Variants in EEF2KMT observed in about 807,000 individuals in gnomAD.
The protein encoded by EEF2KMT is eukaryotic elongation factor 2 lysine methyltransferase.
Under a neutral mutation model 35.1 loss-of-function variants are expected in EEF2KMT, and 30 were observed. The ratio of observed to expected loss-of-function variants is 0.85; its 90% confidence interval spans 0.64 to 1.16. The LOEUF (loss-of-function observed/expected upper bound fraction) is 1.16, where lower values mean the gene tolerates loss of function less well. Ranked by LOEUF, EEF2KMT falls within the 50% of genes most tolerant of loss-of-function variation. EEF2KMT has a pLI of 0.00. For synonymous variants in EEF2KMT, 190 were observed against 187.7 expected, an observed-to-expected ratio of 1.01 and a Z score of -0.10; for missense variants, 499 against 438.2, an observed-to-expected ratio of 1.14 and a Z score of -1.24.
chr16:5,091,279 A>T (rs1957335331), intron 4 of EEF2KMT, among the ~76,000 whole-genome samples: 1 of 151,990 alleles, frequency 6.6e-6, no homozygotes, highest in Non-Finnish European at 1.5e-5. Flanking sequence ...ATGGAGTTTC[A>T]CCATGTTGGC....
intron 7 of EEF2KMT, among the ~76,000 whole-genome samples, chr16:5,086,100 C>T (rs1957153749): frequency 6.6e-6 from 1 of 152,180 alleles, no homozygotes; most frequent in South Asian, 2.1e-4. Context: ...CTTTGGGAGG[C>T]CAAGGCGGGC....
chr16:5,088,579 G>A (rs1330849219), intron 7 of EEF2KMT, among the ~76,000 whole-genome samples: 1 of 152,238 alleles, frequency 6.6e-6, no homozygotes. Flanking sequence ...GGTGAGATGG[G>A]ACAGTGACAG....
At chr16:5,091,318 G>T (rs1305377972) in intron 4 of EEF2KMT, among the ~76,000 whole-genome samples, 1 of 152,138 alleles carries the variant, frequency 6.6e-6, no homozygotes, top group Non-Finnish European at 1.5e-5. Flanking sequence ...CTGACCTCAG[G>T]TGATCCCCCC....
Position 5,097,623 on chromosome 16 carries a change from TC to T in EEF2KMT, c.96+20del, listed in dbSNP as rs1313567919. 2 of 1,544,020 alleles carry T rather than the reference TC, an allele frequency of 1.3e-6. No homozygotes were observed. On this transcript the variant is annotated intron_variant, in intron 1 of 7. Transcript: ENST00000427587. ...GACTCCCGCGAGCCCCGCGGGCCTC[TC>T]CGCTCGCCCCGCCGCCCACCTGCCA... is the stretch of plus-strand genomic sequence containing the variant.
intron 2 of EEF2KMT, among the ~76,000 whole-genome samples, chr16:5,094,227 T>C (rs2142779498): frequency 6.6e-6 from 1 of 152,292 alleles, no homozygotes; most frequent in South Asian, 2.1e-4. Flanking sequence ...GGCAGCAAAG[T>C]ACCCCACGCA....
chr16:5,087,611 A>G (rs1056501830), intron 7 of EEF2KMT, among the ~76,000 whole-genome samples: 11 of 152,148 alleles, frequency 7.2e-5, no homozygotes, highest in African/African-American at 2.2e-4. Flanking sequence ...CAGCCTGGCC[A>G]ACATGGCGAA....
In EEF2KMT at chr16:5,084,509, G is replaced by A. The variant is rs560791610; in HGVS notation, c.*1123C>T. ...GGGGAATGGGCAGCACGTAGAGGCCGGGAGGTGCTCCAGGGCACCAAGTGT... is the reference window on the plus strand; with the variant it reads ...GGGGAATGGGCAGCACGTAGAGGCCAGGAGGTGCTCCAGGGCACCAAGTGT... On this transcript the variant is annotated 3_prime_UTR_variant, in exon 8 of 8. Transcript: ENST00000427587. 1.2e-5 allele frequency: 8 copies of A among 664,252 alleles called. No homozygotes were observed. Among genetic ancestry groups the A allele is most frequent in the South Asian group, 5.5e-5 (3 of 54,832 alleles). The allele number at this position is 664,252 out of a possible 1,614,324, so 41.1% of individuals were successfully genotyped here. A position where few individuals can be genotyped will look rare whatever the true frequency, so the allele number is the denominator to read the frequency against.
intron 1 of EEF2KMT, among the ~76,000 whole-genome samples, chr16:5,096,196 C>T (rs36079660): frequency 0.041 from 6,280 of 152,308 alleles, 194 homozygotes; most frequent in Non-Finnish European, 0.059. Flanking sequence ...GGCTGCTTCA[C>T]CACTCAGGCC....
At chr16:5,092,694 G>A (rs1957366335) in intron 3 of EEF2KMT, among the ~76,000 whole-genome samples, 1 of 152,230 alleles carries the variant, frequency 6.6e-6, no homozygotes, top group Non-Finnish European at 1.5e-5. Context: ...CAGGTGCGGT[G>A]GCTCATGCCT....
chr16:5,089,044 C>T, intron 7 of EEF2KMT, 63 bp downstream of exon 7: 1 of 1,607,964 alleles, frequency 6.2e-7, no homozygotes, highest in African/African-American at 1.3e-5. Flanking sequence ...TCTTTCACTT[C>T]CACTGGCGTC....
intron 1 of EEF2KMT, chr16:5,097,388 C>T (rs981659519): frequency 1.2e-5 from 18 of 1,472,206 alleles, no homozygotes; most frequent in African/African-American, 5.7e-5. Context: ...GTGAACTGTA[C>T]CCCACACCGA....
chr16:5,095,540 C>T, intron 1 of EEF2KMT, 26 bp from the exon 2 acceptor site: 1 of 1,610,964 alleles, frequency 6.2e-7, no homozygotes, highest in Non-Finnish European at 8.5e-7. Context: ...AGAGAGAAAT[C>T]TCAAGGGCGC....
At chr16:5,097,000 T>A (rs1468477411) in intron 1 of EEF2KMT, among the ~76,000 whole-genome samples, 1 of 152,196 alleles carries the variant, frequency 6.6e-6, no homozygotes, top group Non-Finnish European at 1.5e-5. Context: ...CCAAACTCAC[T>A]CATCCCAGTG....
intron 1 of EEF2KMT, chr16:5,097,214 A>G (rs1385887017): frequency 1.8e-6 from 2 of 1,087,970 alleles, no homozygotes; most frequent in Non-Finnish European, 2.4e-6. Flanking sequence ...CAACATACAG[A>G]TGAGAATACT....
In EEF2KMT at chr16:5,090,582, C is replaced by G. The variant is rs376135705; in HGVS notation, c.343-17G>C. On this transcript the variant is annotated splice_polypyrimidine_tract_variant and intron_variant, in intron 4 of 7. Coordinates refer to ENST00000427587, the MANE Select transcript of EEF2KMT (RefSeq NM_201400.4). The surrounding 1 kb of genome is among the most constrained non-coding windows in gnomAD (Gnocchi z 4.1). ...TCCCGAGGGCTGCACCAAGAGAAGG[C>G]GAGAGAGTCAGTCCAGCGATCAGAA... 6.2e-7 allele frequency: 1 copy of G among 1,611,866 alleles called. No individual in the cohort carries two copies. Among genetic ancestry groups the G allele is most frequent in the Non-Finnish European group, 8.5e-7 (1 of 1,179,800 alleles).
In EEF2KMT at chr16:5,087,704, G is replaced by A. The variant is rs377383444; in HGVS notation, c.892+1403C>T. ...TCCCAGCTACTCAGGAGGCTGAGAT[G>A]GGAGGATAGCTTGAACCTGGGAGGT... On this transcript the variant is annotated intron_variant, in intron 7 of 7. Coordinates refer to ENST00000427587, the MANE Select transcript of EEF2KMT (RefSeq NM_201400.4). 5.5e-3 allele frequency among the ~76,000 whole-genome samples: 826 copies of A among 151,018 alleles called. 6 individuals carry two copies. The highest frequency in any genetic ancestry group is 0.01 in the Middle Eastern group (3 of 294).
At chr16:5,093,605 C>T (rs765378771) in intron 2 of EEF2KMT, 41 bp from the exon 3 acceptor site, 1 of 1,606,830 alleles carries the variant, frequency 6.2e-7, no homozygotes, top group Non-Finnish European at 8.5e-7. Flanking sequence ...GAGAGCCCGT[C>T]TTAAGTCTCC....
At chr16:5,088,500 AGGT>A (rs1957264113) in intron 7 of EEF2KMT, among the ~76,000 whole-genome samples, 1 of 151,732 alleles carries the variant, frequency 6.6e-6, no homozygotes, top group Non-Finnish European at 1.5e-5. Context: ...CGTGAGAGCC[AGGT>A]GGCTGGGGTG....
In EEF2KMT at chr16:5,090,231, C is replaced by T. The variant is rs752768732; in HGVS notation, c.595G>A (p.Gly199Arg). The change falls in exon 6 of 8, where the codon GGG becomes AGG. Residue 199 changes from glycine to arginine, a missense_variant. Gly to Arg is a moderately radical substitution (Grantham distance 125). Coordinates refer to ENST00000427587, the MANE Select transcript of EEF2KMT (RefSeq NM_201400.4). The surrounding 1 kb of genome is among the most constrained non-coding windows in gnomAD (Gnocchi z 4.1). ...CHSRVLEQLR[G>R]NVLLNGLSLE... Reference sequence around the variant, plus strand: ...GAGAGGCCATTGAGAAGGACATTCCCTCGGAGCTGCTCAAGGACCCGGCTG... The same window carrying T: ...GAGAGGCCATTGAGAAGGACATTCCTTCGGAGCTGCTCAAGGACCCGGCTG... 5 of 1,611,922 alleles carry T rather than the reference C, an allele frequency of 3.1e-6. No individual in the cohort carries two copies. Among genetic ancestry groups the T allele is most frequent in the Non-Finnish European group, 4.2e-6 (5 of 1,179,862 alleles).
Sources: allele counts gnomAD v4.1 joint callset (sites outside exome capture counted in the v4.1 genomes callset), GRCh38; gene constraint gnomAD v4.1.1; non-coding constraint Gnocchi (gnomAD v3.1); transcripts MANE v1.5; gene names NCBI Gene and HGNC (gene_info 2026-07-23, HGNC 2026-07-21).